NPY2R: variants seen among roughly 807,000 people sequenced by gnomAD.
NPY2R encodes the protein neuropeptide Y receptor Y2.
A neutral mutation model predicts 22.3 loss-of-function variants in NPY2R; 17 were observed. The ratio of observed to expected loss-of-function variants is 0.76; its 90% CI spans 0.52 to 1.14. The LOEUF (loss-of-function observed/expected upper bound fraction) is 1.14. Among genes scored for constraint, NPY2R ranks in the 50% most tolerant of loss-of-function variants. The probability of loss-of-function intolerance (pLI) is 0.00; values close to 1 mark genes in which losing one functional copy is unlikely to be tolerated. For synonymous variants in NPY2R, 209 were observed against 183.4 expected (o/e 1.14, Z -1.13); for missense variants, 424 against 467.9 (o/e 0.91, Z 0.87).
the NPY2R span, among the ~76,000 whole-genome samples, chr4:155,178,249 C>G: frequency 6.6e-6 from 1 of 152,144 alleles, no homozygotes; most frequent in Non-Finnish European, 1.5e-5. Context: ...GAAGATGAAG[C>G]TGTGTTAGGT....
At chr4:155,201,811 C>G in the NPY2R span, among the ~76,000 whole-genome samples, 1 of 152,004 alleles carries the variant, frequency 6.6e-6, no homozygotes. Context: ...ATAATTTCTG[C>G]CTGGTGAGAA....
the NPY2R span, among the ~76,000 whole-genome samples, chr4:155,203,265 G>A: frequency 6.6e-6 from 1 of 152,162 alleles, no homozygotes; most frequent in East Asian, 1.9e-4. Flanking sequence ...TGCTTTTCTT[G>A]AATAAGACAC....
chr4:155,200,910 C>A, the NPY2R span, among the ~76,000 whole-genome samples: 1 of 152,058 alleles, frequency 6.6e-6, no homozygotes, highest in South Asian at 2.1e-4. Context: ...GCACGTGGGG[C>A]TTAAAACCTA....
the NPY2R span, among the ~76,000 whole-genome samples, chr4:155,178,281 C>A: frequency 2.0e-5 from 3 of 152,108 alleles, no homozygotes; most frequent in Non-Finnish European, 4.4e-5. Context: ...CTGGAAGAGG[C>A]AGTACCCAAA....
At chr4:155,181,889 G>A in the NPY2R span, among the ~76,000 whole-genome samples, 1 of 152,158 alleles carries the variant, frequency 6.6e-6, no homozygotes, top group Non-Finnish European at 1.5e-5. Context: ...GTGGGTCTTT[G>A]TAGAGGAAGG....
Position 155,214,542 on chromosome 4 carries a change from G to A in NPY2R, c.603G>A (p.Val201=), listed in dbSNP as rs746798146. Residue 201 remains valine, a synonymous_variant, in exon 2 of 2, where the codon GTG becomes GTA. Transcript: ENST00000329476. ...LIEIIPDFEI[V]ACTEKWPGEE... ...AGATCATCCCGGACTTTGAGATTGT[G>A]GCCTGTACTGAAAAGTGGCCTGGCG... The A allele has an allele frequency of 1.1e-5, 18 of 1,614,056 alleles. No homozygotes were observed. Among genetic ancestry groups the A allele is most frequent in the Non-Finnish European group, 1.4e-5 (17 of 1,180,022 alleles).
chr4:155,184,999 TGA>T, the NPY2R span, among the ~76,000 whole-genome samples: 2 of 148,316 alleles, frequency 1.3e-5, no homozygotes, highest in African/African-American at 4.9e-5. Context: ...AAAATTGGAA[TGA>T]GAGAGAGTAA....
the NPY2R span, among the ~76,000 whole-genome samples, chr4:155,183,332 C>T: frequency 3.9e-5 from 6 of 152,118 alleles, no homozygotes; most frequent in African/African-American, 9.7e-5. Flanking sequence ...TTCCTTATGA[C>T]CTCAGGGCTG....
chr4:155,179,038 G>T, the NPY2R span, among the ~76,000 whole-genome samples: 64,467 of 151,800 alleles, frequency 0.42, 14,099 homozygotes, highest in East Asian at 0.69. Flanking sequence ...AGACCAATTT[G>T]CTGGTAATTT....
At chr4:155,204,700 A>G (rs887599528), upstream of NPY2R, among the ~76,000 whole-genome samples, 4 of 152,118 alleles carry the variant, frequency 2.6e-5, no homozygotes, top group African/African-American at 4.8e-5. Context: ...TGTTTTTGAC[A>G]TATTTTTAAG....
the NPY2R span, among the ~76,000 whole-genome samples, chr4:155,195,151 A>G: frequency 6.6e-6 from 1 of 152,000 alleles, no homozygotes; most frequent in African/African-American, 2.4e-5. Context: ...TTGAATCTGT[A>G]TGAGCAACAG....
the NPY2R span, among the ~76,000 whole-genome samples, chr4:155,178,388 T>G: frequency 1.3e-5 from 2 of 152,220 alleles, no homozygotes; most frequent in Non-Finnish European, 2.9e-5. Flanking sequence ...ATTCTTTTAA[T>G]TTTATTGAGA....
At position 155,214,991 on chromosome 4, in the gene NPY2R, CT is replaced by C; in HGVS notation, c.1053del (p.Glu352ArgfsTer4). ...GAGCAGCGGTTGGATGCCATTCACT[CT>C]GAGGTGTCCGTGACATTCAAGGCTA... ...RCEQRLDAIH[S>X]EVSVTFKAKK... On this transcript the variant is annotated frameshift_variant, in exon 2 of 2. Transcript: ENST00000329476. LOFTEE classifies it high-confidence loss of function. 1 of 1,614,196 alleles carries C rather than the reference CT, an allele frequency of 6.2e-7. No homozygotes were observed. The highest frequency in any genetic ancestry group is 1.3e-5 in the African/African-American group (1 of 75,066).
At chr4:155,180,735 TG>T in the NPY2R span, among the ~76,000 whole-genome samples, 1 of 152,062 alleles carries the variant, frequency 6.6e-6, no homozygotes, top group Non-Finnish European at 1.5e-5. Flanking sequence ...TTACAGTTTT[TG>T]TATTAGAGTA....
At chr4:155,201,794 G>A in the NPY2R span, among the ~76,000 whole-genome samples, 1 of 152,062 alleles carries the variant, frequency 6.6e-6, no homozygotes, top group African/African-American at 2.4e-5. Context: ...TCCCAGCAGA[G>A]ATGCAAATAA....
the NPY2R span, among the ~76,000 whole-genome samples, chr4:155,188,414 G>T: frequency 6.6e-6 from 1 of 152,062 alleles, no homozygotes; most frequent in African/African-American, 2.4e-5. Context: ...CACATGAGGT[G>T]CATTGTCTGT....
At chr4:155,185,228 C>T in the NPY2R span, among the ~76,000 whole-genome samples, 19 of 151,894 alleles carry the variant, frequency 1.3e-4, no homozygotes, top group Middle Eastern at 6.8e-3. Context: ...TTAGTAGAGA[C>T]GGGGTTTCAC....
upstream of NPY2R, among the ~76,000 whole-genome samples, chr4:155,205,804 G>GCCAT (rs536542245): frequency 2.0e-5 from 3 of 147,038 alleles, no homozygotes; most frequent in East Asian, 4.0e-4. Context: ...GAGTCAGGCT[G>GCCAT]CTATCTATCT....
the NPY2R span, among the ~76,000 whole-genome samples, chr4:155,203,254 T>G: frequency 1.3e-5 from 2 of 152,172 alleles, no homozygotes; most frequent in African/African-American, 4.8e-5. Context: ...GAATGACTAC[T>G]TGCTTTTCTT....
Sources: allele counts gnomAD v4.1 joint callset (sites outside exome capture counted in the v4.1 genomes callset), GRCh38; gene constraint gnomAD v4.1.1; transcripts MANE v1.5; gene names NCBI Gene and HGNC (gene_info 2026-07-23, HGNC 2026-07-21).